The following DISP1 variants were observed in gnomAD, a reference collection of about 807,000 sequenced individuals.
DISP1 encodes the protein dispatched RND transporter family member 1.
In DISP1, 30 loss-of-function variants were observed where a neutral mutation model predicts 37.3. The observed-to-expected ratio is 0.80, with a 90% CI of 0.60 to 1.09. DISP1 has a LOEUF of 1.09. Among genes scored for constraint, DISP1 ranks in the 50% least tolerant of loss-of-function variants. The pLI is 0.00. For synonymous variants in DISP1, 634 were observed against 690.2 expected, an observed-to-expected ratio of 0.92 and a Z score of 1.28; for missense variants, 1,598 against 1,879.5, an observed-to-expected ratio of 0.85 and a Z score of 2.77.
At chr1:223,001,095 G>A (rs1679411129) in intron 8 of DISP1, among the ~76,000 whole-genome samples, 3 of 152,046 alleles carry the variant, frequency 2.0e-5, no homozygotes, top group South Asian at 4.2e-4. Context: ...TTTACAGGAT[G>A]GAATGGTTCA....
At chr1:222,846,290 G>A (rs776028400) in intron 1 of DISP1, among the ~76,000 whole-genome samples, 18 of 152,110 alleles carry the variant, frequency 1.2e-4, no homozygotes, top group Admixed American at 6.5e-5. Context: ...TCAGGAGTTC[G>A]AGACCAGCCT....
chr1:222,857,477 G>A (rs1668619535), intron 1 of DISP1, among the ~76,000 whole-genome samples: 2 of 152,150 alleles, frequency 1.3e-5, no homozygotes, highest in South Asian at 2.1e-4. Context: ...AATAGGAAGA[G>A]AGGAAATCCA....
At chr1:222,836,899 T>G in intron 1 of DISP1, 1 of 393,294 alleles carries the variant, frequency 2.5e-6, no homozygotes, top group African/African-American at 2.1e-5. Flanking sequence ...TAACTCTGAT[T>G]TTCAATTTTC....
intron 1 of DISP1, among the ~76,000 whole-genome samples, chr1:222,927,549 G>T (rs1335974842): frequency 6.6e-6 from 1 of 152,082 alleles, no homozygotes; most frequent in Non-Finnish European, 1.5e-5. Context: ...TTTTGATGAA[G>T]TCCAATTTTA....
chr1:222,819,773 T>C (rs1662329304), intron 1 of DISP1, among the ~76,000 whole-genome samples: 1 of 152,106 alleles, frequency 6.6e-6, no homozygotes, highest in African/African-American at 2.4e-5. Context: ...ACTCTTGACC[T>C]CAAGTGATCC....
chr1:222,984,435 T>TGTAGAG (rs1553254679), intron 4 of DISP1, among the ~76,000 whole-genome samples: 1 of 108,398 alleles, frequency 9.2e-6, no homozygotes, highest in East Asian at 2.6e-4. Context: ...TATATATATA[T>TGTAGAG]AGAGAGAGAG....
chr1:222,886,880 C>G (rs1479370743), intron 1 of DISP1, among the ~76,000 whole-genome samples: 1 of 152,244 alleles, frequency 6.6e-6, no homozygotes, highest in South Asian at 2.1e-4. Flanking sequence ...TCTAGTTTAC[C>G]TAGAGGCAGA....
rs1326374316 is a variant in DISP1, at chr1:223,004,940, G to T, written c.3543G>T (p.Arg1181Ser). The T allele has an allele frequency of 1.1e-5, 17 of 1,613,032 alleles. No individual in the cohort carries two copies. The highest frequency in any genetic ancestry group is 1.4e-5 in the Non-Finnish European group (17 of 1,180,016). ...HTINAYHLDP[R>S]GPKSELEHEF... ...TAAATGCTTATCATTTAGATCCCAGGGGCCCAAAATCTGAACTGGAGCATG... is the reference window on the plus strand; with the variant it reads ...TAAATGCTTATCATTTAGATCCCAGTGGCCCAAAATCTGAACTGGAGCATG... The change falls in exon 9 of 9, where the codon AGG (arginine) becomes AGT (serine). Residue 1181 changes from arginine to serine, a missense_variant. By Grantham distance (110) the Arg-to-Ser change is moderately radical (BLOSUM62 -1). Transcript: ENST00000675850. This position sits in a 1 kb window ranked among gnomAD's most constrained non-coding sequence, Gnocchi z 4.9.
intron 8 of DISP1, among the ~76,000 whole-genome samples, chr1:222,998,667 C>T (rs187200593): frequency 7.2e-5 from 11 of 152,228 alleles, no homozygotes; most frequent in Non-Finnish European, 1.0e-4. Context: ...TCGTTAGTAA[C>T]CAGAAGTGAG....
At chr1:222,976,653 C>A (rs1677355851) in intron 3 of DISP1, among the ~76,000 whole-genome samples, 1 of 151,838 alleles carries the variant, frequency 6.6e-6, no homozygotes, top group Non-Finnish European at 1.5e-5. Context: ...TGTGATGAAT[C>A]TATAGTTGTT....
Position 222,992,056 on chromosome 1 carries a change from A to G in DISP1, c.835A>G (p.Lys279Glu). 6.2e-7 allele frequency: 1 copy of G among 1,614,054 alleles called. No individual in the cohort carries two copies. Among genetic ancestry groups the G allele is most frequent in the Non-Finnish European group, 8.5e-7 (1 of 1,179,948 alleles). The change falls in exon 7 of 9, where the codon AAA becomes GAA. Residue 279 changes from lysine (K) to glutamate (E), a missense_variant. Lys to Glu is a moderately conservative substitution (Grantham distance 56). Transcript: ENST00000675850. ...RWSDDHYERE[K>E]REVDWNFHKD... Reference sequence around the variant, plus strand: ...GTCAGATGATCATTATGAAAGAGAGAAAAGAGAAGTTGACTGGAACTTCCA... The same window carrying G: ...GTCAGATGATCATTATGAAAGAGAGGAAAGAGAAGTTGACTGGAACTTCCA...
chr1:222,905,139 G>C (rs2125411308), intron 1 of DISP1, among the ~76,000 whole-genome samples: 2 of 152,164 alleles, frequency 1.3e-5, no homozygotes. Flanking sequence ...AAATAAGATG[G>C]ATTATGAGGT....
rs537500735 is a variant in DISP1, at chr1:222,958,711, C to T, written c.509+15379C>T. The stretch of plus-strand genomic sequence containing the variant: ...TTGATTTAAAAGAAAAGCAATTCTT[C>T]GTCATTGTGAATTAAGTCTTTAAAA... On this transcript the variant is annotated intron_variant, in intron 3 of 8. Transcript: ENST00000675850. 7.9e-5 allele frequency among the ~76,000 whole-genome samples: 12 copies of T among 152,194 alleles called. No homozygotes were observed. The South Asian group carries it at 1.2e-3, about 16-fold the overall frequency.
chr1:222,893,972 G>A lies in DISP1; in HGVS notation c.-158-34458G>A, dbSNP rs1671089915. Among the ~76,000 whole-genome samples, 1 of 152,188 alleles carries A rather than the reference G, an allele frequency of 6.6e-6. No individual in the cohort carries two copies. The highest frequency in any genetic ancestry group is 1.5e-5 in the Non-Finnish European group (1 of 68,026). On this transcript the variant is annotated intron_variant, in intron 1 of 8. Transcript: ENST00000675850. The surrounding 1 kb of genome is among the most constrained non-coding windows in gnomAD (Gnocchi z 4.3). ...TGGCAGAACAGTTCTCAGGAGACCC[G>A]AAGTGGGTAGCTCCCTCCCGCAGGC...
chr1:222,838,003 T>C (rs1344379850), intron 1 of DISP1, among the ~76,000 whole-genome samples: 2 of 152,178 alleles, frequency 1.3e-5, no homozygotes, highest in Non-Finnish European at 2.9e-5. Flanking sequence ...CTACTTATTA[T>C]CCTCTCGATA....
At chr1:222,899,408 A>G (rs1007216254) in intron 1 of DISP1, among the ~76,000 whole-genome samples, 1 of 152,222 alleles carries the variant, frequency 6.6e-6, no homozygotes, top group Non-Finnish European at 1.5e-5. Flanking sequence ...AATGGTTAAG[A>G]GTAATTAAAT....
intron 1 of DISP1, among the ~76,000 whole-genome samples, chr1:222,897,509 A>G (rs1671333494): frequency 1.3e-5 from 2 of 152,302 alleles, no homozygotes; most frequent in East Asian, 1.9e-4. Flanking sequence ...AAAAACATGA[A>G]ACTTTTAAAA....
chr1:222,940,234 C>T, intron 2 of DISP1, among the ~76,000 whole-genome samples: 1 of 152,046 alleles, frequency 6.6e-6, no homozygotes, highest in Non-Finnish European at 1.5e-5. Flanking sequence ...TATGGCAGCA[C>T]CAGCTCAGCT....
intron 4 of DISP1, 46 bp from the exon 5 acceptor site, chr1:222,990,579 T>C (rs1196385409): frequency 1.9e-6 from 3 of 1,613,290 alleles, no homozygotes; most frequent in Non-Finnish European, 2.5e-6. Flanking sequence ...TTTGTGTTTC[T>C]GTAGTTATGC....
Sources: allele counts gnomAD v4.1 joint callset (sites outside exome capture counted in the v4.1 genomes callset), GRCh38; gene constraint gnomAD v4.1.1; non-coding constraint Gnocchi (gnomAD v3.1); transcripts MANE v1.5; gene names NCBI Gene and HGNC (gene_info 2026-07-23, HGNC 2026-07-21).